NVL: variants seen among roughly 807,000 people sequenced by gnomAD.
NVL encodes nuclear VCP like, also known as nuclear valosin-containing protein-like.
NVL carries 84 observed loss-of-function variants against 110.2 expected under a neutral mutation model. The observed-to-expected ratio is 0.76, with a 90% CI of 0.64 to 0.91. The LOEUF (loss-of-function observed/expected upper bound fraction) is 0.91, where lower values mean the gene tolerates loss of function less well. Among genes scored for constraint, NVL ranks in the 40% least tolerant of loss-of-function variants. The pLI is 0.00. For missense variants in NVL, 882 were observed against 1,035.9 expected (o/e 0.85, Z 2.04); for synonymous variants, 354 against 361.1 (o/e 0.98, Z 0.22).
chr1:224,285,779 C>T (rs1666798546), intron 15 of NVL, among the ~76,000 whole-genome samples: 1 of 151,972 alleles, frequency 6.6e-6, no homozygotes, highest in Non-Finnish European at 1.5e-5. Context: ...ATGTAATACA[C>T]AGAAAATATA....
At chr1:224,234,754 T>C (rs1178392520) in intron 20 of NVL, among the ~76,000 whole-genome samples, 1 of 152,144 alleles carries the variant, frequency 6.6e-6, no homozygotes, top group Non-Finnish European at 1.5e-5. Flanking sequence ...CACAAGCAGA[T>C]AGCTATAGAC....
At chr1:224,281,284 C>CGT (rs34156240) in intron 15 of NVL, 99 bp from the exon 16 acceptor site, 232,653 of 537,766 alleles carry the variant, frequency 0.43, 23,561 homozygotes, top group Admixed American at 0.53. Context: ...ACTCTGTGTG[C>CGT]GTGTGTGTGT....
chr1:224,318,906 G>A (rs1412984594), intron 2 of NVL, among the ~76,000 whole-genome samples: 6 of 151,190 alleles, frequency 4.0e-5, no homozygotes, highest in African/African-American at 1.5e-4. Context: ...ACAGAATGGC[G>A]TGAACCCAGG....
intron 17 of NVL, among the ~76,000 whole-genome samples, chr1:224,273,418 A>G (rs928883647): frequency 1.9e-4 from 27 of 141,900 alleles, no homozygotes; most frequent in African/African-American, 7.1e-4. Flanking sequence ...CTCTCAAAAG[A>G]AAAAAAAAAA....
chr1:224,253,744 AAAAAG>A (rs1479971968), intron 18 of NVL, among the ~76,000 whole-genome samples: 1 of 151,150 alleles, frequency 6.6e-6, no homozygotes, highest in African/African-American at 2.4e-5. Context: ...AAAAAAAAAA[AAAAAG>A]AAAAGAAAAA....
chr1:224,229,081 G>A (rs1176640304), intron 22 of NVL, among the ~76,000 whole-genome samples: 1 of 151,816 alleles, frequency 6.6e-6, no homozygotes, highest in East Asian at 1.9e-4. Flanking sequence ...AATCACCTGA[G>A]GTTGGGAGTT....
At chr1:224,277,172 T>C (rs962717454) in intron 16 of NVL, among the ~76,000 whole-genome samples, 4 of 152,150 alleles carry the variant, frequency 2.6e-5, no homozygotes, top group Non-Finnish European at 5.9e-5. Context: ...ATCATTATTG[T>C]AACATTTGAG....
intron 12 of NVL, among the ~76,000 whole-genome samples, chr1:224,292,916 A>G (rs1667510839): frequency 1.3e-5 from 2 of 151,758 alleles, no homozygotes; most frequent in South Asian, 2.1e-4. Flanking sequence ...ACGCCCGGCT[A>G]ATTTTTTTGT....
At position 224,250,294 on chromosome 1, in the gene NVL, C is replaced by G; in HGVS notation, c.2207G>C (p.Arg736Pro). 1 of 1,596,366 alleles carries G rather than the reference C, an allele frequency of 6.3e-7. No individual in the cohort carries two copies. Among genetic ancestry groups the G allele is most frequent in the Non-Finnish European group, 8.5e-7 (1 of 1,173,302 alleles). Residue 736 changes from arginine (R) to proline (P), a missense_variant, in exon 19 of 23, where the codon CGC (arginine) becomes CCC (proline). This residue lies in a region of NVL where 66 missense variants were observed against 127.5 expected (regional missense o/e 0.52). Coordinates refer to ENST00000281701, the MANE Select transcript of NVL (RefSeq NM_002533.4). ...RPDIIDPAIL[R>P]PGRLDKTLFV... is the part of the protein sequence containing the mutation. The stretch of plus-strand genomic sequence containing the variant: ...CAGTGTTTTGTCCAGGCGGCCCGGG[C>G]GCAGGATTGCAGGGTCAATTATATC...
At chr1:224,282,877 C>T (rs1208483338) in intron 15 of NVL, among the ~76,000 whole-genome samples, 2 of 152,140 alleles carry the variant, frequency 1.3e-5, no homozygotes, top group Non-Finnish European at 2.9e-5. Flanking sequence ...CCTGAGTAAA[C>T]AAAACAATCA....
At chr1:224,288,954 G>GAT (rs1292781896) in intron 13 of NVL, among the ~76,000 whole-genome samples, 2 of 152,170 alleles carry the variant, frequency 1.3e-5, no homozygotes, top group Non-Finnish European at 2.9e-5. Flanking sequence ...TACCGACATG[G>GAT]ATATAGTTGT....
intron 18 of NVL, among the ~76,000 whole-genome samples, chr1:224,267,531 T>C (rs756467368): frequency 6.6e-5 from 10 of 151,452 alleles, no homozygotes; most frequent in Non-Finnish European, 8.8e-5. Flanking sequence ...CTACTAAAAA[T>C]ACAAAAAATA....
chr1:224,250,260 A>G lies in NVL; in HGVS notation c.2241T>C (p.Gly747=), dbSNP rs1454672591. 2 of 1,608,846 alleles carry G rather than the reference A, an allele frequency of 1.2e-6. No homozygotes were observed. Among genetic ancestry groups the G allele is most frequent in the Non-Finnish European group, 8.5e-7 (1 of 1,177,974 alleles). The change falls in exon 19 of 23, where the codon GGT becomes GGC. Residue 747 remains glycine (G), a synonymous_variant. Transcript: ENST00000281701. The part of the protein sequence containing the change: ...PGRLDKTLFV[G]LPPPADRLAI... ...CAAGGCGATCTGCAGGGGGCGGTAA[A>G]CCCACAAACAGTGTTTTGTCCAGGC...
chr1:224,248,692 A>T (rs527463808), intron 19 of NVL, among the ~76,000 whole-genome samples: 1 of 152,378 alleles, frequency 6.6e-6, no homozygotes, highest in South Asian at 2.1e-4. Context: ...AAAGTGGCTG[A>T]TAATTAGGCG....
At chr1:224,267,989 G>T in intron 18 of NVL, 45 bp downstream of exon 18, 1 of 1,322,622 alleles carries the variant, frequency 7.6e-7, no homozygotes, top group Non-Finnish European at 1.1e-6. Flanking sequence ...CGGAAATGCT[G>T]TAAGTTTTTA....
chr1:224,246,762 A>G (rs527665080), intron 19 of NVL, among the ~76,000 whole-genome samples: 1 of 152,312 alleles, frequency 6.6e-6, no homozygotes, highest in African/African-American at 2.4e-5. Context: ...AAGGCCGGGC[A>G]TGGTGGCTCA....
intron 19 of NVL, among the ~76,000 whole-genome samples, chr1:224,249,589 CA>C (rs1419650645): frequency 2.0e-5 from 3 of 152,066 alleles, no homozygotes; most frequent in African/African-American, 7.2e-5. Context: ...CTAAAAAACA[CA>C]AAAAATTAGC....
intron 19 of NVL, among the ~76,000 whole-genome samples, chr1:224,241,221 C>A (rs1470833944): frequency 6.6e-6 from 1 of 152,086 alleles, no homozygotes; most frequent in South Asian, 2.1e-4. Context: ...TCTAACTATT[C>A]TTTAATTGAA....
chr1:224,227,521 C>T lies in NVL; in HGVS notation c.*105G>A, dbSNP rs1187747452. 29 of 872,322 alleles carry T rather than the reference C, an allele frequency of 3.3e-5. No homozygotes were observed. In the East Asian group the frequency reaches 7.3e-4, roughly 22 times the overall value. 54.0% of individuals were successfully genotyped at this position (872,322 alleles called of 1,614,324 possible). On this transcript the variant is annotated 3_prime_UTR_variant, in exon 23 of 23. Transcript: ENST00000281701. ...CATTCATTTGAAAATAAAATGTTTA[C>T]ATGAGGCCGCGCCTGTGTCCAGCTG...
Sources: gnomAD v4.1 joint callset for allele counts (sites outside exome capture counted in the v4.1 genomes callset) on GRCh38, gnomAD v4.1.1 for gene constraint, gnomAD v4.1.1 regional missense constraint, MANE v1.5 for transcripts, NCBI Gene and HGNC (gene_info 2026-07-23, HGNC 2026-07-21) for gene names.